The following PLCL2 variants were observed in gnomAD, a reference collection of about 807,000 sequenced individuals.
PLCL2 encodes the protein phospholipase C like 2.
In PLCL2, 4 loss-of-function variants were observed where a neutral mutation model predicts 79.6. The observed-to-expected ratio is 0.05, with a 90% confidence interval of 0.02 to 0.11. The LOEUF (loss-of-function observed/expected upper bound fraction) is 0.11. PLCL2 is among the 10% of genes least tolerant of loss of function. The pLI, the probability that PLCL2 is intolerant of heterozygous loss-of-function variation, is 1.00. For missense variants in PLCL2, 895 were observed against 1,291.0 expected, an observed-to-expected ratio of 0.69 and a Z score of 4.70; for synonymous variants, 484 against 457.7, an observed-to-expected ratio of 1.06 and a Z score of -0.73.
intron 1 of PLCL2, among the ~76,000 whole-genome samples, chr3:16,983,602 G>A (rs1394091737): frequency 2.0e-5 from 3 of 152,092 alleles, no homozygotes; most frequent in Non-Finnish European, 1.5e-5. Flanking sequence ...CCCGGGAAGC[G>A]GAGGTTGCAG....
At chr3:17,024,981 T>G (rs1461856584) in intron 3 of PLCL2, among the ~76,000 whole-genome samples, 1 of 152,138 alleles carries the variant, frequency 6.6e-6, no homozygotes, top group Non-Finnish European at 1.5e-5. Context: ...TGGGCCCCGT[T>G]TGAAACCCCA....
At chr3:17,038,229 TG>T (rs1413032820) in intron 3 of PLCL2, among the ~76,000 whole-genome samples, 1 of 152,166 alleles carries the variant, frequency 6.6e-6, no homozygotes, top group Non-Finnish European at 1.5e-5. Context: ...TAGGAGGTAC[TG>T]GTAACAGGCC....
intron 1 of PLCL2, among the ~76,000 whole-genome samples, chr3:16,939,918 C>G (rs551400932): frequency 1.3e-5 from 2 of 152,038 alleles, no homozygotes; most frequent in Non-Finnish European, 2.9e-5. Context: ...GAGGGAAGAC[C>G]CAGGCACATG....
intron 3 of PLCL2, chr3:17,035,795 A>C (rs1200527408): frequency 1.9e-6 from 1 of 513,890 alleles, no homozygotes; most frequent in South Asian, 1.4e-5. Flanking sequence ...GTGCCTAGAA[A>C]GCTTAACAAT....
chr3:17,054,377 A>G (rs1213162390), intron 4 of PLCL2, among the ~76,000 whole-genome samples: 1 of 152,094 alleles, frequency 6.6e-6, no homozygotes, highest in Non-Finnish European at 1.5e-5. Context: ...GGAAGTTCCA[A>G]ACTTTCCCTC....
At chr3:16,943,002 A>G (rs1260246018) in intron 1 of PLCL2, among the ~76,000 whole-genome samples, 1 of 152,238 alleles carries the variant, frequency 6.6e-6, no homozygotes, top group Non-Finnish European at 1.5e-5. Context: ...GCTAGATTGA[A>G]TTAATAAAGA....
intron 1 of PLCL2, among the ~76,000 whole-genome samples, chr3:16,915,363 A>G (rs1170667589): frequency 1.3e-5 from 2 of 152,166 alleles, no homozygotes; most frequent in East Asian, 1.9e-4. Flanking sequence ...ACTAATATAC[A>G]CACATTCACT....
At chr3:16,982,261 A>G (rs2064007353) in intron 1 of PLCL2, among the ~76,000 whole-genome samples, 1 of 152,304 alleles carries the variant, frequency 6.6e-6, no homozygotes, top group South Asian at 2.1e-4. Flanking sequence ...TTTGCTTCAT[A>G]TAGCCTCTGC....
chr3:17,058,373 C>T (rs898090647), intron 4 of PLCL2, among the ~76,000 whole-genome samples: 3 of 152,204 alleles, frequency 2.0e-5, no homozygotes, highest in East Asian at 1.9e-4. Flanking sequence ...AAAAGAATTT[C>T]GTATGGCAAA....
intron 3 of PLCL2, among the ~76,000 whole-genome samples, chr3:17,030,336 T>C (rs548811845): frequency 1.3e-5 from 2 of 152,260 alleles, no homozygotes; most frequent in African/African-American, 4.8e-5. Context: ...AATAAATCAT[T>C]GTCATTATGA....
chr3:16,957,089 G>C (rs1348758063), intron 1 of PLCL2, among the ~76,000 whole-genome samples: 2 of 151,950 alleles, frequency 1.3e-5, no homozygotes, highest in African/African-American at 2.4e-5. Flanking sequence ...TGTGTTTGCT[G>C]TTGCTTTTCT....
chr3:16,913,605 C>T (rs1696929097), intron 1 of PLCL2, among the ~76,000 whole-genome samples: 1 of 151,784 alleles, frequency 6.6e-6, no homozygotes, highest in Non-Finnish European at 1.5e-5. Context: ...CAAATATTTA[C>T]ATTTAGTCAA....
intron 1 of PLCL2, among the ~76,000 whole-genome samples, chr3:16,986,828 G>T (rs1444205881): frequency 6.6e-6 from 1 of 152,068 alleles, no homozygotes; most frequent in African/African-American, 2.4e-5. Flanking sequence ...AACGTAGGAT[G>T]GGGATCAAGC....
At chr3:16,909,625 C>G (rs1196059944) in intron 1 of PLCL2, among the ~76,000 whole-genome samples, 1 of 152,196 alleles carries the variant, frequency 6.6e-6, no homozygotes, top group Admixed American at 6.5e-5. Context: ...AATTTGCACA[C>G]TGCAACCCAG....
chr3:16,945,980 A>G (rs116067034), intron 1 of PLCL2, among the ~76,000 whole-genome samples: 332 of 152,288 alleles, frequency 2.2e-3, no homozygotes, highest in African/African-American at 7.6e-3. Flanking sequence ...ATCACATCGG[A>G]TCCCTTTGTT....
intron 1 of PLCL2, among the ~76,000 whole-genome samples, chr3:16,911,139 G>A (rs1245338611): frequency 6.6e-6 from 1 of 151,756 alleles, no homozygotes; most frequent in African/African-American, 2.4e-5. Flanking sequence ...TATAATCCCA[G>A]CTACTCCGGA....
Position 17,046,638 on chromosome 3 carries a change from A to G in PLCL2, c.3094+3689A>G, listed in dbSNP as rs1337282428. 2.0e-5 allele frequency among the ~76,000 whole-genome samples: 3 copies of G among 152,250 alleles called. No individual in the cohort carries two copies. In the East Asian group the frequency reaches 5.8e-4, roughly 29 times the overall value. ...TCTAAAACCTCATTAAAATGACAGTAGAGGGTTTTTCTTTAAGCCACAAAT... is the reference window on the plus strand; with the variant it reads ...TCTAAAACCTCATTAAAATGACAGTGGAGGGTTTTTCTTTAAGCCACAAAT... On this transcript the variant is annotated intron_variant, in intron 4 of 5. Transcript: ENST00000615277.
At chr3:17,084,705 A>G (rs2065199283) in intron 5 of PLCL2, among the ~76,000 whole-genome samples, 1 of 152,244 alleles carries the variant, frequency 6.6e-6, no homozygotes, top group Non-Finnish European at 1.5e-5. Flanking sequence ...AGATGCAAAA[A>G]AAGTTTGACA....
chr3:16,940,424 CA>C (rs1272416377), intron 1 of PLCL2, among the ~76,000 whole-genome samples: 2 of 152,254 alleles, frequency 1.3e-5, no homozygotes, highest in African/African-American at 2.4e-5. Context: ...GCAAAGGCCA[CA>C]ACTAAGTTCC....
Sources: gnomAD v4.1 joint callset for allele counts (sites outside exome capture counted in the v4.1 genomes callset) on GRCh38, gnomAD v4.1.1 for gene constraint, MANE v1.5 for transcripts, NCBI Gene and HGNC (gene_info 2026-07-23, HGNC 2026-07-21) for gene names.